DNAH9: variants seen among roughly 807,000 people sequenced by gnomAD.
The protein encoded by DNAH9 is dynein axonemal heavy chain 9.
DNAH9 carries 345 observed loss-of-function variants against 471.6 expected under a neutral mutation model. The observed-to-expected ratio is 0.73, with a 90% confidence interval of 0.67 to 0.80. The LOEUF (loss-of-function observed/expected upper bound fraction) is 0.80. Among genes scored for constraint, DNAH9 ranks in the 30% least tolerant of loss-of-function variants. The pLI is 0.00. For missense variants in DNAH9, 5,407 were observed against 5,609.2 expected, an observed-to-expected ratio of 0.96 and a Z score of 1.15; for synonymous variants, 2,093 against 2,123.6, an observed-to-expected ratio of 0.99 and a Z score of 0.40.
Position 11,784,550 on chromosome 17 carries a change from C to A in DNAH9, c.8061+11C>A, listed in dbSNP as rs202044221. 4 of 1,614,004 alleles carry A rather than the reference C, an allele frequency of 2.5e-6. No homozygotes were observed. Among genetic ancestry groups the A allele is most frequent in the Non-Finnish European group, 2.5e-6 (3 of 1,180,038 alleles). ...GCCAACATTTTCCAGGTGAGTTCAT[C>A]GGCTCCGAGACACCCTAGGGGCTTA... On this transcript the variant is annotated intron_variant, in intron 41 of 68. Coordinates refer to ENST00000262442, the MANE Select transcript of DNAH9 (RefSeq NM_001372.4).
intron 4 of DNAH9, among the ~76,000 whole-genome samples, chr17:11,614,337 A>G (rs1364505587): frequency 6.6e-6 from 1 of 152,194 alleles, no homozygotes; most frequent in Non-Finnish European, 1.5e-5. Context: ...ATTGGTGGAT[A>G]TGAATTAGAA....
chr17:11,687,781 G>A (rs1440698108), intron 19 of DNAH9, among the ~76,000 whole-genome samples: 2 of 152,050 alleles, frequency 1.3e-5, no homozygotes, highest in Non-Finnish European at 2.9e-5. Context: ...ATAAAGTGGG[G>A]TTGGAGGAGA....
chr17:11,678,205 A>C (rs1055661793), intron 17 of DNAH9, among the ~76,000 whole-genome samples: 13 of 152,048 alleles, frequency 8.5e-5, no homozygotes, highest in African/African-American at 2.9e-4. Context: ...CTACAGGCAC[A>C]GGCCACCATG....
chr17:11,781,887 G>A (rs1025324318), intron 39 of DNAH9, among the ~76,000 whole-genome samples: 4 of 149,548 alleles, frequency 2.7e-5, no homozygotes, highest in Non-Finnish European at 5.9e-5. Flanking sequence ...CATGCACCGT[G>A]TCTGCAGACC....
intron 12 of DNAH9, among the ~76,000 whole-genome samples, chr17:11,649,058 C>G (rs1458142209): frequency 6.6e-6 from 1 of 151,070 alleles, no homozygotes; most frequent in African/African-American, 2.4e-5. Flanking sequence ...ACCTAGGAGG[C>G]AGTGGTTGCA....
chr17:11,748,877 G>A (rs1967018674), intron 32 of DNAH9, among the ~76,000 whole-genome samples: 1 of 151,964 alleles, frequency 6.6e-6, no homozygotes, highest in Non-Finnish European at 1.5e-5. Context: ...ACCACATCCG[G>A]GTCAAACTCT....
At chr17:11,935,738 T>A (rs1597847962) in intron 65 of DNAH9, among the ~76,000 whole-genome samples, 1 of 148,678 alleles carries the variant, frequency 6.7e-6, no homozygotes, top group Non-Finnish European at 1.5e-5. Flanking sequence ...AACTCTTGAA[T>A]ATAAAACATA....
At position 11,775,595 on chromosome 17, in the gene DNAH9, C is replaced by CTTTTTT. The variant is rs71142246; in HGVS notation, c.7553-5392_7553-5387dup. On this transcript the variant is annotated intron_variant, in intron 38 of 68. Transcript: ENST00000262442. Reference sequence around the variant, plus strand: ...GCTATTTTTCTCAAAATCAGATGTTCTTTTTTTTTTTTTTTTTTTTTTTTT... The same window carrying CTTTTTT: ...GCTATTTTTCTCAAAATCAGATGTTCTTTTTTTTTTTTTTTTTTTTTTTTTTTTTTT... Among the ~76,000 whole-genome samples, 7 of 61,014 alleles carry CTTTTTT rather than the reference C, an allele frequency of 1.1e-4. 1 individual carries two copies. Among genetic ancestry groups the CTTTTTT allele is most frequent in the African/African-American group, 3.0e-4 (4 of 13,200 alleles). 40.0% of individuals were successfully genotyped at this position (61,014 alleles called of 152,430 possible).
intron 38 of DNAH9, among the ~76,000 whole-genome samples, chr17:11,777,460 C>T (rs1339050461): frequency 6.6e-6 from 1 of 152,130 alleles, no homozygotes; most frequent in Non-Finnish European, 1.5e-5. Context: ...TAAAGACCCA[C>T]AAGACAGAAT....
chr17:11,688,921 C>A (rs1374907026), intron 19 of DNAH9, among the ~76,000 whole-genome samples: 1 of 151,964 alleles, frequency 6.6e-6, no homozygotes, highest in Non-Finnish European at 1.5e-5. Flanking sequence ...CATGGTGAAA[C>A]CCCGTCTCTA....
intron 48 of DNAH9, among the ~76,000 whole-genome samples, chr17:11,830,307 G>T (rs749107727): frequency 6.6e-6 from 1 of 152,156 alleles, no homozygotes; most frequent in Admixed American, 6.5e-5. Flanking sequence ...ATTTAACTCA[G>T]GTGTAGTCAT....
chr17:11,634,479 G>A (rs975408705), intron 8 of DNAH9, among the ~76,000 whole-genome samples: 2 of 152,146 alleles, frequency 1.3e-5, no homozygotes, highest in African/African-American at 4.8e-5. Flanking sequence ...GCCAAGGACT[G>A]TGAACAGACG....
intron 63 of DNAH9, among the ~76,000 whole-genome samples, chr17:11,931,685 A>C (rs1974513196): frequency 6.6e-6 from 1 of 152,122 alleles, no homozygotes; most frequent in Non-Finnish European, 1.5e-5. Flanking sequence ...ATGTGCACCC[A>C]CACCCCACAC....
At chr17:11,815,097 G>C (rs980845347) in intron 45 of DNAH9, among the ~76,000 whole-genome samples, 2 of 152,056 alleles carry the variant, frequency 1.3e-5, no homozygotes, top group African/African-American at 4.8e-5. Flanking sequence ...TTTAAACCAG[G>C]ACCGGTTTGG....
chr17:11,875,069 A>G lies in DNAH9; in HGVS notation c.10363A>G (p.Ile3455Val). Residue 3455 changes from isoleucine (I) to valine (V), a missense_variant, in exon 53 of 69, where the codon ATT becomes GTT. By Grantham distance (29) the Ile-to-Val change is conservative. This residue lies in a region of DNAH9 where 4,636 missense variants were observed against 4,900.3 expected (regional missense o/e 0.95). Transcript: ENST00000262442. Reference protein sequence around the residue: ...ADRMSVENATILINCERWPLM... With the variant: ...ADRMSVENATVLINCERWPLM... ...CCGCATGTCCGTGGAGAATGCCACCATTCTCATCAACTGTGAGCGCTGGCC... is the reference window on the plus strand; with the variant it reads ...CCGCATGTCCGTGGAGAATGCCACCGTTCTCATCAACTGTGAGCGCTGGCC... The G allele has an allele frequency of 3.1e-6, 5 of 1,614,188 alleles. No individual in the cohort carries two copies. The highest frequency in any genetic ancestry group is 1.7e-5 in the Admixed American group (1 of 60,022).
At position 11,894,340 on chromosome 17, in the gene DNAH9, T is replaced by C. The variant is rs748737432; in HGVS notation, c.11284-34T>C. ...GATTTCTAGGACTCTGGCTACAAGCTAAAGAAATGCAGTATCATTTCTCCA... is the reference window on the plus strand; with the variant it reads ...GATTTCTAGGACTCTGGCTACAAGCCAAAGAAATGCAGTATCATTTCTCCA... On this transcript the variant is annotated intron_variant, in intron 58 of 68. Transcript: ENST00000262442. The C allele has an allele frequency of 1.9e-6, 3 of 1,609,502 alleles. No homozygotes were observed. In the Admixed American group the frequency reaches 5.0e-5, roughly 27 times the overall value.
intron 45 of DNAH9, among the ~76,000 whole-genome samples, chr17:11,811,606 A>G (rs182470957): frequency 6.6e-6 from 1 of 152,160 alleles, no homozygotes; most frequent in Admixed American, 6.5e-5. Context: ...CATCACTCCA[A>G]CCTCAGCTGT....
At position 11,807,721 on chromosome 17, in the gene DNAH9, C is replaced by G. The variant is rs749122283; in HGVS notation, c.8421-11C>G. ...GATCAAAGCAACATGTGCCTGCTTC[C>G]TTCTCTTTAGCTGCCATATCAATCG... On this transcript the variant is annotated splice_polypyrimidine_tract_variant and intron_variant, in intron 43 of 68. Transcript: ENST00000262442. 6.3e-7 allele frequency: 1 copy of G among 1,599,118 alleles called. No homozygotes were observed. Among genetic ancestry groups the G allele is most frequent in the Non-Finnish European group, 8.6e-7 (1 of 1,168,162 alleles).
chr17:11,836,204 GT>G (rs1182617100), intron 49 of DNAH9, among the ~76,000 whole-genome samples: 1 of 152,112 alleles, frequency 6.6e-6, no homozygotes, highest in Non-Finnish European at 1.5e-5. Flanking sequence ...AGAGTAAAGG[GT>G]TGAAAAGTCA....
Sources: gnomAD v4.1 joint callset for allele counts (sites outside exome capture counted in the v4.1 genomes callset) on GRCh38, gnomAD v4.1.1 for gene constraint, gnomAD v4.1.1 regional missense constraint, MANE v1.5 for transcripts, NCBI Gene and HGNC (gene_info 2026-07-23, HGNC 2026-07-21) for gene names.